SASH1: variants seen among roughly 807,000 people sequenced by gnomAD.
SASH1 encodes the protein SAM and SH3 domain containing 1, also known as SAM and SH3 domain-containing protein 1.
In SASH1, 44 loss-of-function variants were observed where a neutral mutation model predicts 125.2. The ratio of observed to expected loss-of-function variants is 0.35; its 90% CI spans 0.28 to 0.45. The LOEUF is 0.45. SASH1 is among the 20% of genes least tolerant of loss of function. SASH1 has a pLI of 1.00. For missense variants in SASH1, 1,426 were observed against 1,614.5 expected (o/e 0.88, Z 2.00); for synonymous variants, 639 against 649.1 (o/e 0.98, Z 0.24).
chr6:148,406,832 C>A (rs1032701210), intron 2 of SASH1, among the ~76,000 whole-genome samples: 1 of 149,998 alleles, frequency 6.7e-6, no homozygotes, highest in Non-Finnish European at 1.5e-5. Flanking sequence ...GAGGATCAGG[C>A]GCTCCAAGGG....
chr6:148,343,516 G>A (rs1170859545), intron 1 of SASH1, among the ~76,000 whole-genome samples: 1 of 152,200 alleles, frequency 6.6e-6, no homozygotes, highest in African/African-American at 2.4e-5. Context: ...CGAGAAAGAG[G>A]CCTTCAAAAA....
chr6:148,483,070 T>A (rs1368933702), intron 7 of SASH1, among the ~76,000 whole-genome samples: 2 of 152,146 alleles, frequency 1.3e-5, no homozygotes, highest in African/African-American at 4.8e-5. Context: ...TATCTTAGTC[T>A]ATTTAGTGTT....
chr6:148,471,543 T>C (rs375810261), intron 6 of SASH1, 40 bp downstream of exon 6: 2 of 1,206,504 alleles, frequency 1.7e-6, no homozygotes, highest in African/African-American at 3.0e-5. Flanking sequence ...TCCTTTTAGC[T>C]CTAACATGGG....
intron 1 of SASH1, among the ~76,000 whole-genome samples, chr6:148,348,137 G>T (rs551668497): frequency 2.2e-3 from 340 of 152,224 alleles, no homozygotes; most frequent in Non-Finnish European, 2.7e-3. Context: ...CTCCCAAGTA[G>T]CTGGGATTAC....
At chr6:148,387,573 T>C (rs1228003117) in intron 1 of SASH1, among the ~76,000 whole-genome samples, 14 of 5,190 alleles carry the variant, frequency 2.7e-3, no homozygotes, top group Non-Finnish European at 1.7e-3. Flanking sequence ...TTTCTCTTTC[T>C]TTCTTTCTTT....
chr6:148,336,236 C>T (rs1582981562), intron 1 of SASH1, among the ~76,000 whole-genome samples: 1 of 126,140 alleles, frequency 7.9e-6, no homozygotes, highest in East Asian at 2.6e-4. Flanking sequence ...AGTGCAGTGG[C>T]AAGATCTCGG....
Position 148,390,127 on chromosome 6 carries a change from C to T in SASH1, c.157-7C>T, listed in dbSNP as rs764733248. On this transcript the variant is annotated splice_region_variant and splice_polypyrimidine_tract_variant and intron_variant, in intron 1 of 19. Coordinates refer to ENST00000367467, the MANE Select transcript of SASH1 (RefSeq NM_015278.5). ...ACCTGACCGCCTTTGTTTGTCCACC[C>T]CTTCAGGACGGTTCACTGGGAAACA... 1.1e-5 allele frequency: 17 copies of T among 1,612,314 alleles called. No individual in the cohort carries two copies. Among genetic ancestry groups the T allele is most frequent in the Non-Finnish European group, 1.4e-5 (16 of 1,179,088 alleles).
chr6:148,260,859 T>A, the SASH1 span, among the ~76,000 whole-genome samples: 2 of 144,012 alleles, frequency 1.4e-5, no homozygotes, highest in African/African-American at 5.3e-5. Flanking sequence ...TGGAGTGCAG[T>A]GGTGCAATCT....
intron 1 of SASH1, among the ~76,000 whole-genome samples, chr6:148,295,961 C>T (rs898645569): frequency 2.6e-5 from 4 of 152,152 alleles, no homozygotes; most frequent in African/African-American, 7.2e-5. Context: ...AACAAAGTTT[C>T]GTATTATTCT....
intron 1 of SASH1, among the ~76,000 whole-genome samples, chr6:148,381,619 T>TTC (rs1646790158): frequency 9.9e-6 from 1 of 100,742 alleles, no homozygotes; most frequent in Non-Finnish European, 1.9e-5. Context: ...CTTGCTTTCT[T>TTC]TTTTTTTTTT....
chr6:148,429,246 C>T (rs1227481764), intron 2 of SASH1, among the ~76,000 whole-genome samples: 10 of 151,906 alleles, frequency 6.6e-5, no homozygotes, highest in Admixed American at 2.0e-4. Flanking sequence ...GGAAGCTGGG[C>T]ATGGTAGCAC....
chr6:148,496,806 G>A (rs1442692128), intron 8 of SASH1, among the ~76,000 whole-genome samples: 6 of 151,726 alleles, frequency 4.0e-5, no homozygotes, highest in African/African-American at 1.2e-4. Flanking sequence ...CCAAGAGGCC[G>A]AAACTGCAGT....
Position 148,487,674 on chromosome 6 carries a change from G to C in SASH1, c.688G>C (p.Asp230His). 1.9e-6 allele frequency: 3 copies of C among 1,613,784 alleles called. No individual in the cohort carries two copies. The highest frequency in any genetic ancestry group is 2.5e-6 in the Non-Finnish European group (3 of 1,179,860). ...TGCCCTGGACCCTGCTGACTGGCCAGATGGTTCTTACCCAACGTTTGATGG... is the reference window on the plus strand; with the variant it reads ...TGCCCTGGACCCTGCTGACTGGCCACATGGTTCTTACCCAACGTTTGATGG... The part of the protein sequence containing the change: ...SAALDPADWP[D>H]GSYPTFDGSS... The change falls in exon 8 of 20, where the codon GAT becomes CAT. Residue 230 changes from aspartate to histidine, a missense_variant. By Grantham distance (81) the Asp-to-His change is moderately conservative. This residue lies in a region of SASH1 where 567 missense variants were observed against 575.6 expected (regional missense o/e 0.99). Coordinates refer to ENST00000367467, the MANE Select transcript of SASH1 (RefSeq NM_015278.5).
chr6:148,482,742 G>A (rs1562448278), intron 7 of SASH1, among the ~76,000 whole-genome samples: 1 of 141,608 alleles, frequency 7.1e-6, no homozygotes, highest in Non-Finnish European at 1.5e-5. Context: ...AGGCTAGAGT[G>A]CAGTGGCGCG....
intron 4 of SASH1, among the ~76,000 whole-genome samples, chr6:148,441,799 A>G (rs1366689256): frequency 3.3e-5 from 5 of 152,082 alleles, no homozygotes; most frequent in African/African-American, 9.7e-5. Flanking sequence ...CTTCCCCTCA[A>G]TTGTGGAGAG....
At chr6:148,349,566 C>T (rs940559986) in intron 1 of SASH1, among the ~76,000 whole-genome samples, 1 of 152,012 alleles carries the variant, frequency 6.6e-6, no homozygotes, top group Non-Finnish European at 1.5e-5. Flanking sequence ...GCCCGCCCGG[C>T]CAGAAAAGTA....
chr6:148,360,241 G>A (rs372888377), intron 1 of SASH1, among the ~76,000 whole-genome samples: 18 of 151,040 alleles, frequency 1.2e-4, no homozygotes, highest in South Asian at 6.2e-4. Flanking sequence ...GTCAGTCATC[G>A]TAATTGATTT....
chr6:148,282,494 G>A (rs1779368129), intron 1 of SASH1, among the ~76,000 whole-genome samples: 1 of 151,984 alleles, frequency 6.6e-6, no homozygotes, highest in Middle Eastern at 3.2e-3. Flanking sequence ...CGATTCTCCT[G>A]CCTCAGCCTC....
At chr6:148,315,628 G>T (rs1368673062) in intron 1 of SASH1, among the ~76,000 whole-genome samples, 2 of 152,144 alleles carry the variant, frequency 1.3e-5, no homozygotes, top group Admixed American at 6.6e-5. Flanking sequence ...ACTAGGCCAG[G>T]CACAGTGGCT....
Sources: allele counts gnomAD v4.1 joint callset (sites outside exome capture counted in the v4.1 genomes callset), GRCh38; gene constraint gnomAD v4.1.1; regional missense constraint gnomAD v4.1.1; transcripts MANE v1.5; gene names NCBI Gene and HGNC (gene_info 2026-07-23, HGNC 2026-07-21).